NDST4: variants seen among roughly 807,000 people sequenced by gnomAD.
NDST4 encodes the protein N-deacetylase and N-sulfotransferase 4, also known as N-heparan sulfate sulfotransferase 4.
NDST4 carries 63 observed loss-of-function variants against 100.8 expected under a neutral mutation model. The ratio of observed to expected loss-of-function variants is 0.62; its 90% CI spans 0.51 to 0.77. The LOEUF is 0.77. Ranked by LOEUF, NDST4 falls within the 30% of genes least tolerant of loss-of-function variation. The pLI, the probability that NDST4 is intolerant of heterozygous loss-of-function variation, is 0.00. For synonymous variants in NDST4, 377 were observed against 361.8 expected, an observed-to-expected ratio of 1.04 and a Z score of -0.48; for missense variants, 943 against 1,018.4, an observed-to-expected ratio of 0.93 and a Z score of 1.01.
At chr4:114,922,301 C>T (rs1328838180) in intron 6 of NDST4, among the ~76,000 whole-genome samples, 13 of 152,140 alleles carry the variant, frequency 8.5e-5, no homozygotes, top group Admixed American at 8.5e-4. Context: ...TCTAGAAACA[C>T]TTGACTGGTA....
At position 114,958,694 on chromosome 4, in the gene NDST4, A is replaced by T. The variant is rs114134920; in HGVS notation, c.1221+11736T>A. ...ACTTGTGATGGGAGGAGCTGCCATG[A>T]CAGGTACTGGAGACGTTTTCCCCAT... On this transcript the variant is annotated intron_variant, in intron 4 of 13. Transcript: ENST00000264363. Among the ~76,000 whole-genome samples, 204 of 152,228 alleles carry T rather than the reference A, an allele frequency of 1.3e-3. 2 individuals are homozygous for T. The highest frequency in any genetic ancestry group is 4.7e-3 in the African/African-American group (194 of 41,562).
intron 6 of NDST4, among the ~76,000 whole-genome samples, chr4:114,900,563 C>T (rs11942204): frequency 0.15 from 22,710 of 152,108 alleles, 1,993 homozygotes; most frequent in African/African-American, 0.26. Context: ...ATACCAACCA[C>T]TGTGTTACAA....
At chr4:114,984,677 C>T (rs1190542470) in intron 2 of NDST4, among the ~76,000 whole-genome samples, 6 of 152,016 alleles carry the variant, frequency 3.9e-5, no homozygotes, top group Admixed American at 3.3e-4. Flanking sequence ...AAATAGTCCA[C>T]CCAGATAACA....
At chr4:114,989,310 G>C (rs1726985197) in intron 2 of NDST4, among the ~76,000 whole-genome samples, 1 of 152,154 alleles carries the variant, frequency 6.6e-6, no homozygotes, top group South Asian at 2.1e-4. Context: ...TTGGAGTTCT[G>C]TGACTGACAT....
At chr4:114,905,620 A>C (rs1724933862) in intron 6 of NDST4, among the ~76,000 whole-genome samples, 1 of 151,952 alleles carries the variant, frequency 6.6e-6, no homozygotes, top group Admixed American at 6.6e-5. Flanking sequence ...ATCTATTTTG[A>C]AGTCTTACTA....
intron 13 of NDST4, among the ~76,000 whole-genome samples, chr4:114,828,575 T>A (rs1056048060): frequency 2.0e-5 from 3 of 147,810 alleles, no homozygotes; most frequent in Non-Finnish European, 3.1e-5. Flanking sequence ...CTAAAAAAAA[T>A]ATGAATGGTT....
At chr4:115,074,236 T>C (rs1729134987) in intron 2 of NDST4, among the ~76,000 whole-genome samples, 2 of 152,000 alleles carry the variant, frequency 1.3e-5, no homozygotes, top group Non-Finnish European at 2.9e-5. Flanking sequence ...TTGAATATTA[T>C]TTTGAGTAGC....
intron 2 of NDST4, among the ~76,000 whole-genome samples, chr4:115,068,635 C>T (rs1729002125): frequency 9.5e-6 from 1 of 104,760 alleles, no homozygotes; most frequent in Non-Finnish European, 1.9e-5. Context: ...GGTGAAACCC[C>T]ATCTCCAAAA....
intron 1 of NDST4, among the ~76,000 whole-genome samples, chr4:115,100,918 A>C (rs1027767855): frequency 1.3e-5 from 2 of 151,966 alleles, no homozygotes; most frequent in Admixed American, 1.3e-4. Context: ...GGGAAGTAAA[A>C]AGCGTGGATG....
chr4:115,053,944 A>G (rs961410533), intron 2 of NDST4, among the ~76,000 whole-genome samples: 20 of 152,120 alleles, frequency 1.3e-4, no homozygotes, highest in African/African-American at 3.9e-4. Context: ...ACACTATTAC[A>G]TATGTTTAGA....
intron 2 of NDST4, among the ~76,000 whole-genome samples, chr4:115,062,868 G>T (rs902317411): frequency 1.7e-4 from 26 of 151,920 alleles, no homozygotes; most frequent in African/African-American, 5.8e-4. Context: ...TGAGCCATAC[G>T]AGTAAAAGTA....
At chr4:115,022,372 C>CACATACAT (rs1560569995) in intron 2 of NDST4, among the ~76,000 whole-genome samples, 16 of 128,106 alleles carry the variant, frequency 1.2e-4, no homozygotes, top group African/African-American at 4.2e-4. Context: ...ATATGTGTTC[C>CACATACAT]ATGTACATAT....
chr4:114,906,230 G>T (rs1724946377), intron 6 of NDST4, among the ~76,000 whole-genome samples: 2 of 151,908 alleles, frequency 1.3e-5, no homozygotes, highest in African/African-American at 4.8e-5. Context: ...GATAGACTTA[G>T]TCATATTTAG....
intron 1 of NDST4, among the ~76,000 whole-genome samples, chr4:115,097,477 C>T (rs931499378): frequency 6.6e-6 from 1 of 152,030 alleles, no homozygotes; most frequent in Non-Finnish European, 1.5e-5. Flanking sequence ...CTTTCTTTCC[C>T]GTCAGACATA....
chr4:114,839,578 G>A (rs747853748), intron 10 of NDST4, 30 bp from the exon 11 acceptor site: 2 of 1,608,562 alleles, frequency 1.2e-6, no homozygotes, highest in African/African-American at 1.3e-5. Flanking sequence ...TGTAAAGTTA[G>A]ATTTTTTTTA....
At chr4:115,022,517 T>TATATGTTCC (rs1727880760) in intron 2 of NDST4, among the ~76,000 whole-genome samples, 1 of 145,084 alleles carries the variant, frequency 6.9e-6, no homozygotes, top group African/African-American at 2.7e-5. Context: ...TCCATATATA[T>TATATGTTCC]ATATATGTGA....
intron 2 of NDST4, among the ~76,000 whole-genome samples, chr4:115,060,649 T>C (rs1728799818): frequency 6.6e-6 from 1 of 151,968 alleles, no homozygotes; most frequent in South Asian, 2.1e-4. Context: ...ATATGTTAAA[T>C]ATTATTTGGG....
chr4:115,055,629 A>T (rs762173663), intron 2 of NDST4, among the ~76,000 whole-genome samples: 1 of 152,148 alleles, frequency 6.6e-6, no homozygotes, highest in African/African-American at 2.4e-5. Context: ...GGGCCTTTTT[A>T]ACTTATTACT....
At chr4:114,996,319 C>T (rs190015519) in intron 2 of NDST4, among the ~76,000 whole-genome samples, 16 of 152,096 alleles carry the variant, frequency 1.1e-4, no homozygotes, top group South Asian at 6.2e-4. Flanking sequence ...CCTTCCACCA[C>T]GACTGTAAGT....
Sources: gnomAD v4.1 joint callset for allele counts (sites outside exome capture counted in the v4.1 genomes callset) on GRCh38, gnomAD v4.1.1 for gene constraint, MANE v1.5 for transcripts, NCBI Gene and HGNC (gene_info 2026-07-23, HGNC 2026-07-21) for gene names.